The following RALGPS2 variants were observed in gnomAD, a reference collection of about 807,000 sequenced individuals.
RALGPS2 encodes Ral GEF with PH domain and SH3 binding motif 2.
In RALGPS2, 43 loss-of-function variants were observed where a neutral mutation model predicts 86.8. The observed-to-expected ratio is 0.50, with a 90% CI of 0.39 to 0.64. The LOEUF is 0.64. Ranked by LOEUF, RALGPS2 falls within the 30% of genes least tolerant of loss-of-function variation. RALGPS2 has a pLI of 0.00. For missense variants in RALGPS2, 536 were observed against 694.6 expected (o/e 0.77, Z 2.57); for synonymous variants, 243 against 231.3 (o/e 1.05, Z -0.46).
At chr1:178,806,440 C>G (rs1326688395) in intron 4 of RALGPS2, among the ~76,000 whole-genome samples, 2 of 152,068 alleles carry the variant, frequency 1.3e-5, no homozygotes, top group African/African-American at 4.8e-5. Flanking sequence ...AATCTCTGAT[C>G]AGTTTTCTCT....
chr1:178,868,819 A>G (rs1374789953), intron 8 of RALGPS2, among the ~76,000 whole-genome samples: 1 of 151,986 alleles, frequency 6.6e-6, no homozygotes, highest in East Asian at 1.9e-4. Flanking sequence ...TTTTAAATAA[A>G]TATAATTTTT....
intron 10 of RALGPS2, 136 bp downstream of exon 10, chr1:178,879,128 C>G: frequency 1.6e-6 from 2 of 1,245,308 alleles, no homozygotes; most frequent in Non-Finnish European, 2.1e-6. Context: ...AGTAAAGGTA[C>G]TAACATGTAT....
intron 8 of RALGPS2, chr1:178,853,258 T>G: frequency 1.0e-6 from 1 of 960,730 alleles, no homozygotes. Flanking sequence ...GCTAGTATAC[T>G]ACCCAGATCC....
intron 6 of RALGPS2, among the ~76,000 whole-genome samples, chr1:178,818,990 CTTTT>C (rs58110181): frequency 3.7e-5 from 5 of 135,586 alleles, no homozygotes; most frequent in Non-Finnish European, 6.3e-5. Flanking sequence ...TTTTCTTTTT[CTTTT>C]TTTTTTTTTT....
chr1:178,816,242 G>A (rs1006598532), intron 6 of RALGPS2, among the ~76,000 whole-genome samples: 3 of 151,782 alleles, frequency 2.0e-5, no homozygotes, highest in Admixed American at 6.6e-5. Context: ...GCCAGTACTT[G>A]GTGTTTAATT....
intron 8 of RALGPS2, chr1:178,851,255 T>G: frequency 6.2e-7 from 1 of 1,613,980 alleles, no homozygotes; most frequent in Non-Finnish European, 8.5e-7. Context: ...ATACTCCATT[T>G]AGGTTAGAAT....
intron 1 of RALGPS2, among the ~76,000 whole-genome samples, chr1:178,765,943 G>A (rs534630116): frequency 3.3e-5 from 5 of 152,230 alleles, no homozygotes; most frequent in Admixed American, 3.3e-4. Flanking sequence ...TTTTTTCAAG[G>A]TGCCCAGATT....
At chr1:178,765,564 C>T (rs373952657) in intron 1 of RALGPS2, among the ~76,000 whole-genome samples, 2 of 152,082 alleles carry the variant, frequency 1.3e-5, no homozygotes, top group East Asian at 1.9e-4. Context: ...GTTTCGGGCA[C>T]GCATTGTCAT....
intron 18 of RALGPS2, among the ~76,000 whole-genome samples, chr1:178,905,384 T>C (rs988691483): frequency 6.6e-6 from 1 of 152,218 alleles, no homozygotes; most frequent in Non-Finnish European, 1.5e-5. Context: ...AATGGTTTTT[T>C]GCGGGGGAGG....
chr1:178,798,244 T>A (rs1281619106), intron 4 of RALGPS2, among the ~76,000 whole-genome samples: 1 of 152,172 alleles, frequency 6.6e-6, no homozygotes, highest in East Asian at 1.9e-4. Flanking sequence ...TGCATAAAAT[T>A]AACTGTAGTG....
At chr1:178,854,731 C>T (rs989222026) in intron 8 of RALGPS2, among the ~76,000 whole-genome samples, 41 of 152,194 alleles carry the variant, frequency 2.7e-4, no homozygotes, top group African/African-American at 9.4e-4. Flanking sequence ...TCCCAGAGTC[C>T]CTGCTCTGAA....
At chr1:178,813,836 T>G (rs1218050108) in intron 6 of RALGPS2, among the ~76,000 whole-genome samples, 1 of 152,220 alleles carries the variant, frequency 6.6e-6, no homozygotes, top group Admixed American at 6.5e-5. Flanking sequence ...GTGGAATCTC[T>G]TGATTTGTAG....
At chr1:178,770,878 GC>G (rs1488360235) in intron 1 of RALGPS2, among the ~76,000 whole-genome samples, 1 of 114,394 alleles carries the variant, frequency 8.7e-6, no homozygotes, top group African/African-American at 3.4e-5. Context: ...TGCTCTTGTT[GC>G]CCAGGCTGGA....
At chr1:178,759,730 C>A (rs912992174) in intron 1 of RALGPS2, among the ~76,000 whole-genome samples, 2 of 151,818 alleles carry the variant, frequency 1.3e-5, no homozygotes, top group Non-Finnish European at 2.9e-5. Context: ...TATGCAATAT[C>A]CATTTTTTTT....
At chr1:178,908,267 G>GT (rs1200697172) in intron 19 of RALGPS2, among the ~76,000 whole-genome samples, 1 of 152,160 alleles carries the variant, frequency 6.6e-6, no homozygotes, top group Non-Finnish European at 1.5e-5. Flanking sequence ...TAATTTCACT[G>GT]TTTTTTAAAA....
At chr1:178,897,053 G>A (rs1659980074) in intron 16 of RALGPS2, among the ~76,000 whole-genome samples, 2 of 151,930 alleles carry the variant, frequency 1.3e-5, no homozygotes, top group Admixed American at 1.3e-4. Context: ...TTCCACAATG[G>A]TTGAATTAGT....
At position 178,776,700 on chromosome 1, in the gene RALGPS2, C is replaced by T; in HGVS notation, c.-65C>T. The T allele has an allele frequency of 8.1e-7, 1 of 1,231,830 alleles. No homozygotes were observed. Among genetic ancestry groups the T allele is most frequent in the South Asian group, 1.4e-5 (1 of 69,602 alleles). The allele number at this position is 1,231,830 out of a possible 1,614,324, so 76.3% of individuals were successfully genotyped here. A position where few individuals can be genotyped will look rare whatever the true frequency, so the allele number is the denominator to read the frequency against. ...TTTACAGGAATAATGTATTTGTGGCCTTGGACATGAGGCAGTCAGTCCTCT... is the reference window on the plus strand; with the variant it reads ...TTTACAGGAATAATGTATTTGTGGCTTTGGACATGAGGCAGTCAGTCCTCT... On this transcript the variant is annotated 5_prime_UTR_variant, in exon 2 of 20. Coordinates refer to ENST00000367635, the MANE Select transcript of RALGPS2 (RefSeq NM_152663.5).
At chr1:178,784,323 C>T (rs1278246717) in intron 2 of RALGPS2, 95 bp from the exon 3 acceptor site, 4 of 824,206 alleles carry the variant, frequency 4.9e-6, no homozygotes, top group Non-Finnish European at 7.2e-6. Context: ...TGTTAACCTA[C>T]TGTTTTGTTT....
intron 8 of RALGPS2, among the ~76,000 whole-genome samples, chr1:178,857,065 A>G (rs751729508): frequency 6.6e-6 from 1 of 152,206 alleles, no homozygotes; most frequent in Non-Finnish European, 1.5e-5. Context: ...GTAGGAAGGA[A>G]GGGTAAAGAG....
Sources: gnomAD v4.1 joint callset for allele counts (sites outside exome capture counted in the v4.1 genomes callset) on GRCh38, gnomAD v4.1.1 for gene constraint, MANE v1.5 for transcripts, NCBI Gene and HGNC (gene_info 2026-07-23, HGNC 2026-07-21) for gene names.